Variants in INPP4B observed in about 807,000 individuals in gnomAD.
INPP4B encodes the protein inositol polyphosphate-4-phosphatase type II B.
Under a neutral mutation model 122.5 loss-of-function variants are expected in INPP4B, and 55 were observed. The ratio of observed to expected loss-of-function variants is 0.45; its 90% CI spans 0.36 to 0.56. The LOEUF (loss-of-function observed/expected upper bound fraction) is 0.56. Ranked by LOEUF, INPP4B falls within the 20% of genes least tolerant of loss-of-function variation. The probability of loss-of-function intolerance (pLI) is 0.00; values close to 1 mark genes in which losing one functional copy is unlikely to be tolerated. For missense variants in INPP4B, 1,000 were observed against 1,097.7 expected, an observed-to-expected ratio of 0.91 and a Z score of 1.26; for synonymous variants, 403 against 388.7, an observed-to-expected ratio of 1.04 and a Z score of -0.43.
chr4:142,399,189 CTTTTTTTTT>C (rs70949166), intron 7 of INPP4B, among the ~76,000 whole-genome samples: 2 of 56,948 alleles, frequency 3.5e-5, no homozygotes, highest in Admixed American at 6.7e-4. Context: ...TTTCCTTTTG[CTTTTTTTTT>C]TTTTTTTTTT....
chr4:142,054,741 T>G (rs1044946513), intron 25 of INPP4B, among the ~76,000 whole-genome samples: 1 of 152,234 alleles, frequency 6.6e-6, no homozygotes, highest in East Asian at 1.9e-4. Context: ...TATATCATGC[T>G]TAAATACATC....
In INPP4B at chr4:142,141,813, T is replaced by C. The variant is rs558320001; in HGVS notation, c.1720+4027A>G. Among the ~76,000 whole-genome samples the C allele has an allele frequency of 3.9e-5, 6 of 152,214 alleles. No homozygotes were observed. The East Asian group carries it at 1.2e-3, about 29-fold the overall frequency. The stretch of plus-strand genomic sequence containing the variant: ...CCAGATGACCATCTGTTTAGCCATG[T>C]TAAGTATACAGCAGCAAAACAAACA... On this transcript the variant is annotated intron_variant, in intron 18 of 25. Coordinates refer to ENST00000262992, the MANE Select transcript of INPP4B (RefSeq NM_001101669.3).
chr4:142,188,071 ATC>A (rs555087792), intron 15 of INPP4B, among the ~76,000 whole-genome samples: 56 of 152,230 alleles, frequency 3.7e-4, no homozygotes, highest in African/African-American at 1.3e-3. Flanking sequence ...TATGATTTTA[ATC>A]TCTGTCTTTT....
chr4:142,551,426 G>C (rs1376378342), intron 2 of INPP4B, among the ~76,000 whole-genome samples: 5 of 152,090 alleles, frequency 3.3e-5, no homozygotes, highest in Non-Finnish European at 7.3e-5. Context: ...GAGGAGAGAG[G>C]GAGGGTAAAG....
intron 1 of INPP4B, among the ~76,000 whole-genome samples, chr4:142,752,421 T>C (rs954586940): frequency 6.6e-6 from 1 of 152,074 alleles, no homozygotes; most frequent in Non-Finnish European, 1.5e-5. Context: ...TTCTCTAGAC[T>C]CAAGAATCAC....
intron 18 of INPP4B, among the ~76,000 whole-genome samples, chr4:142,140,218 C>T (rs1807057093): frequency 6.6e-6 from 1 of 152,164 alleles, no homozygotes; most frequent in Non-Finnish European, 1.5e-5. Flanking sequence ...TGACTCGAAG[C>T]CTATGTGGCC....
chr4:142,458,210 T>C lies in INPP4B; in HGVS notation c.-127+4453A>G, dbSNP rs189191117. The stretch of plus-strand genomic sequence containing the variant: ...CAAAAGGCTGTGTACTGTATAATTC[T>C]ATTTTAATGGCATAAATAAAATAGG... On this transcript the variant is annotated intron_variant, in intron 3 of 25. Coordinates refer to ENST00000262992, the MANE Select transcript of INPP4B (RefSeq NM_001101669.3). 1.1e-3 allele frequency among the ~76,000 whole-genome samples: 166 copies of C among 152,290 alleles called. 1 individual carries two copies. Among genetic ancestry groups the C allele is most frequent in the Admixed American group, 3.5e-3 (53 of 15,296 alleles).
chr4:142,766,692 A>G (rs543961714), intron 1 of INPP4B: 1 of 150,328 alleles, frequency 6.7e-6, no homozygotes, highest in African/African-American at 2.4e-5. Context: ...GTATTTTCTC[A>G]AAAAAAAAAT....
chr4:142,172,123 G>T (rs1482722057), intron 16 of INPP4B, among the ~76,000 whole-genome samples: 1 of 151,600 alleles, frequency 6.6e-6, no homozygotes, highest in East Asian at 1.9e-4. Context: ...AAATACTTAG[G>T]TATTACTAAG....
At chr4:142,138,087 G>A (rs1338125900) in intron 18 of INPP4B, among the ~76,000 whole-genome samples, 3 of 151,540 alleles carry the variant, frequency 2.0e-5, no homozygotes, top group South Asian at 2.1e-4. Flanking sequence ...ACATGCACAC[G>A]TATGTTTATT....
intron 7 of INPP4B, among the ~76,000 whole-genome samples, chr4:142,400,885 TAAATGAAGGA>T (rs978252469): frequency 5.9e-5 from 9 of 152,192 alleles, no homozygotes; most frequent in African/African-American, 2.2e-4. Context: ...ATGCACATTT[TAAATGAAGGA>T]GATTGAAGGA....
At chr4:142,388,479 T>C (rs969972391) in intron 7 of INPP4B, among the ~76,000 whole-genome samples, 2 of 152,134 alleles carry the variant, frequency 1.3e-5, no homozygotes, top group Non-Finnish European at 2.9e-5. Flanking sequence ...TAACTTCTAG[T>C]AGCCCGGGTC....
At chr4:142,703,789 T>G (rs1762114938) in intron 2 of INPP4B, among the ~76,000 whole-genome samples, 1 of 152,170 alleles carries the variant, frequency 6.6e-6, no homozygotes, top group Non-Finnish European at 1.5e-5. Context: ...ACCAGATGCA[T>G]TCCAGTAGGT....
chr4:142,307,768 G>T (rs1290042520), intron 8 of INPP4B, among the ~76,000 whole-genome samples: 1 of 152,096 alleles, frequency 6.6e-6, no homozygotes, highest in Admixed American at 6.6e-5. Context: ...CACACTCAAA[G>T]AAAACTTTTA....
At chr4:142,181,242 G>T (rs568169048) in intron 15 of INPP4B, among the ~76,000 whole-genome samples, 1 of 152,096 alleles carries the variant, frequency 6.6e-6, no homozygotes, top group African/African-American at 2.4e-5. Context: ...TTCCTGAGAC[G>T]AAGGGAAAAG....
intron 1 of INPP4B, among the ~76,000 whole-genome samples, chr4:142,832,743 T>A (rs1023148362): frequency 1.3e-5 from 2 of 151,122 alleles, no homozygotes; most frequent in Non-Finnish European, 2.9e-5. Flanking sequence ...TCTATTCACA[T>A]ATCACAGTCT....
intron 2 of INPP4B, among the ~76,000 whole-genome samples, chr4:142,554,365 T>TGA (rs1728678419): frequency 1.6e-5 from 2 of 123,524 alleles, no homozygotes; most frequent in African/African-American, 6.2e-5. Context: ...CTTGCAATAG[T>TGA]AAAAAAAAAA....
At position 142,193,105 on chromosome 4, in the gene INPP4B, A is replaced by G. The variant is rs763797831; in HGVS notation, c.1163T>C (p.Phe388Ser). ...NGGLRKLLHRFETERRNTGYQ... is the reference protein window; with the variant it reads ...NGGLRKLLHRSETERRNTGYQ... The stretch of plus-strand genomic sequence containing the variant: ...TACTTACTTTCTTCTTTCTGTTTCA[A>G]ATCTATGGAGTAGCTTCCGAAGACC... Residue 388 changes from phenylalanine (F) to serine (S), a missense_variant, in exon 15 of 26, where the codon TTT becomes TCT. Coordinates refer to ENST00000262992, the MANE Select transcript of INPP4B (RefSeq NM_001101669.3). The G allele has an allele frequency of 4.4e-6, 7 of 1,607,900 alleles. No individual in the cohort carries two copies. The highest frequency in any genetic ancestry group is 1.7e-6 in the Non-Finnish European group (2 of 1,174,394).
intron 25 of INPP4B, among the ~76,000 whole-genome samples, chr4:142,067,584 A>T (rs576542914): frequency 6.7e-4 from 102 of 152,308 alleles, no homozygotes; most frequent in African/African-American, 2.3e-3. Context: ...AAACCTTGAA[A>T]AAAGATTAGA....
Sources: gnomAD v4.1 joint callset for allele counts (sites outside exome capture counted in the v4.1 genomes callset) on GRCh38, gnomAD v4.1.1 for gene constraint, MANE v1.5 for transcripts, NCBI Gene and HGNC (gene_info 2026-07-23, HGNC 2026-07-21) for gene names.